KCNAB3: variants seen among roughly 807,000 people sequenced by gnomAD.
The protein encoded by KCNAB3 is voltage-gated potassium channel subunit beta-3.
A neutral mutation model predicts 67.7 loss-of-function variants in KCNAB3; 62 were observed. That is an observed-to-expected ratio of 0.92 (90% confidence interval 0.75 to 1.13). KCNAB3 has a LOEUF of 1.13. Ranked by LOEUF, KCNAB3 falls within the 50% of genes most tolerant of loss-of-function variation. The pLI is 0.00. For synonymous variants in KCNAB3, 212 were observed against 205.4 expected, an observed-to-expected ratio of 1.03 and a Z score of -0.27; for missense variants, 514 against 522.9, an observed-to-expected ratio of 0.98 and a Z score of 0.17.
intron 7 of KCNAB3, chr17:7,925,437 G>A: frequency 1.7e-6 from 1 of 600,098 alleles, no homozygotes; most frequent in Admixed American, 2.9e-5. Context: ...GCTGAGGTAG[G>A]AGAATCCCTT....
chr17:7,923,868 TCACCAC>T (rs752778287), intron 11 of KCNAB3, 37 bp from the exon 12 acceptor site: 5 of 1,555,018 alleles, frequency 3.2e-6, no homozygotes, highest in South Asian at 1.2e-5. Flanking sequence ...GACCCCGCCA[TCACCAC>T]CACCACCACC....
rs2151720463 is a variant in KCNAB3 at position 7,929,522 on chromosome 17, T to G, written c.-87A>C. ...CGAGGGCTGACGACCGGGGGCGTAG[T>G]GGGGCGAACCCCGGCAGAGCGGGAA... is the stretch of plus-strand genomic sequence containing the variant. On this transcript the variant is annotated 5_prime_UTR_variant, in exon 1 of 14. Coordinates refer to ENST00000303790, the MANE Select transcript of KCNAB3 (RefSeq NM_004732.4). This position sits in a 1 kb window ranked among gnomAD's most constrained non-coding sequence, Gnocchi z 5.7. 6.5e-7 allele frequency: 1 copy of G among 1,528,110 alleles called. No homozygotes were observed. The highest frequency in any genetic ancestry group is 8.8e-7 in the Non-Finnish European group (1 of 1,141,276). 94.7% of individuals were successfully genotyped at this position (1,528,110 alleles called of 1,614,324 possible).
rs752051222 is a variant in KCNAB3, at chr17:7,925,125, A to T, written c.597T>A (p.Asn199Lys). 6.2e-7 allele frequency: 1 copy of T among 1,613,718 alleles called. No homozygotes were observed. Among genetic ancestry groups the T allele is most frequent in the Non-Finnish European group, 8.5e-7 (1 of 1,179,774 alleles). Reference sequence around the variant, plus strand: ...CCATAGGACAGTTGGGGTCTGAGCGATTGGCAAAGACAATGTCCACGTATC... The same window carrying T: ...CCATAGGACAGTTGGGGTCTGAGCGTTTGGCAAAGACAATGTCCACGTATC... The part of the protein sequence containing the change: ...QLGYVDIVFA[N>K]RSDPNCPMEE... Residue 199 changes from asparagine to lysine, a missense_variant, in exon 8 of 14, where the codon AAT becomes AAA. Transcript: ENST00000303790.
intron 11 of KCNAB3, 24 bp from the exon 12 acceptor site, chr17:7,923,855 G>A (rs1972131841): frequency 1.3e-6 from 2 of 1,563,164 alleles, no homozygotes; most frequent in African/African-American, 1.4e-5. Context: ...AGAATCAACA[G>A]AAGACCCCGC....
chr17:7,923,766 C>A lies in KCNAB3; in HGVS notation c.993G>T (p.Met331Ile), dbSNP rs759723597. ...GCTGGTGAGCGACAGGAAGAAGGTC[C>A]ATGACTTTGGCTTGTTGCTTCTTGC... ...EDGKKQQAKVMDLLPVAHQLG... is the reference protein window; with the variant it reads ...EDGKKQQAKVIDLLPVAHQLG... The change falls in exon 12 of 14, where the codon ATG (methionine) becomes ATT (isoleucine). Residue 331 changes from methionine (M) to isoleucine (I), a missense_variant. Met to Ile is a conservative substitution (Grantham distance 10). Transcript: ENST00000303790. 6.3e-7 allele frequency: 1 copy of A among 1,579,792 alleles called. No individual in the cohort carries two copies. The highest frequency in any genetic ancestry group is 1.2e-5 in the South Asian group (1 of 86,748).
intron 1 of KCNAB3, chr17:7,928,261 A>G (rs1387497113): frequency 4.5e-6 from 1 of 221,138 alleles, no homozygotes; most frequent in African/African-American, 2.3e-5. Context: ...TGGAAGAGGT[A>G]AACCAAGTCA....
At position 7,923,000 on chromosome 17, in the gene KCNAB3, C is replaced by G. The variant is rs765589257; in HGVS notation, c.*102G>C. Reference sequence around the variant, plus strand: ...TTGGTGGGCGGGGCTAGTCTGGCTCCGGCCGCTGCGTGGAGGGATCCGGAG... The same window carrying G: ...TTGGTGGGCGGGGCTAGTCTGGCTCGGGCCGCTGCGTGGAGGGATCCGGAG... On this transcript the variant is annotated 3_prime_UTR_variant, in exon 14 of 14. Transcript: ENST00000303790. The G allele has an allele frequency of 5.7e-4, 643 of 1,129,900 alleles. 1 individual carries two copies. The highest frequency in any genetic ancestry group is 8.1e-4 in the Non-Finnish European group (606 of 746,286). 70.0% of individuals were successfully genotyped at this position (1,129,900 alleles called of 1,614,324 possible).
chr17:7,929,535 G>A lies in KCNAB3; in HGVS notation c.-100C>T, dbSNP rs1972357747. On this transcript the variant is annotated 5_prime_UTR_variant, in exon 1 of 14. Coordinates refer to ENST00000303790, the MANE Select transcript of KCNAB3 (RefSeq NM_004732.4). This position sits in a 1 kb window ranked among gnomAD's most constrained non-coding sequence, Gnocchi z 5.7. ...CCGGGGGCGTAGTGGGGCGAACCCC[G>A]GCAGAGCGGGAAGGCTGAGGAGGCT... The A allele has an allele frequency of 6.6e-7, 1 of 1,519,866 alleles. No homozygotes were observed. The highest frequency in any genetic ancestry group is 1.4e-5 in the African/African-American group (1 of 72,518). 94.1% of individuals were successfully genotyped at this position (1,519,866 alleles called of 1,614,324 possible).
In KCNAB3 at chr17:7,929,831, A is replaced by T; in HGVS notation, c.-396T>A. On this transcript the variant is annotated 5_prime_UTR_variant, in exon 1 of 14. Coordinates refer to ENST00000303790, the MANE Select transcript of KCNAB3 (RefSeq NM_004732.4). This position sits in a 1 kb window ranked among gnomAD's most constrained non-coding sequence, Gnocchi z 5.7. ...CCGCTGCGGGACCCGCTGGGCTCCC[A>T]GCCGCGTCGGCAGCGGGCCCAGCTC... The T allele has an allele frequency of 1.9e-6, 2 of 1,029,208 alleles. No individual in the cohort carries two copies. The highest frequency in any genetic ancestry group is 2.3e-6 in the Non-Finnish European group (2 of 857,596). 63.8% of individuals were successfully genotyped at this position (1,029,208 alleles called of 1,614,324 possible).
chr17:7,929,785 G>A lies in KCNAB3; in HGVS notation c.-350C>T, dbSNP rs941561371. Reference sequence around the variant, plus strand: ...ACCCAGGGGGAAGCGGGGCGGGAGAGAGATGCCACTTCAGCGCGAACCGCT... The same window carrying A: ...ACCCAGGGGGAAGCGGGGCGGGAGAAAGATGCCACTTCAGCGCGAACCGCT... On this transcript the variant is annotated 5_prime_UTR_variant, in exon 1 of 14. Coordinates refer to ENST00000303790, the MANE Select transcript of KCNAB3 (RefSeq NM_004732.4). This position sits in a 1 kb window ranked among gnomAD's most constrained non-coding sequence, Gnocchi z 5.7. 40 of 1,143,240 alleles carry A rather than the reference G, an allele frequency of 3.5e-5. No individual in the cohort carries two copies. The South Asian group carries it at 6.9e-4, about 20-fold the overall frequency. 70.8% of individuals were successfully genotyped at this position (1,143,240 alleles called of 1,614,324 possible). A position where few individuals can be genotyped will look rare whatever the true frequency, so the allele number is the denominator to read the frequency against.
chr17:7,929,773 C>T lies in KCNAB3; in HGVS notation c.-338G>A, dbSNP rs955392644. The T allele has an allele frequency of 1.6e-4, 179 of 1,150,132 alleles. No homozygotes were observed. Among genetic ancestry groups the T allele is most frequent in the Non-Finnish European group, 1.8e-4 (167 of 929,724 alleles). 71.2% of individuals were successfully genotyped at this position (1,150,132 alleles called of 1,614,324 possible). A position where few individuals can be genotyped will look rare whatever the true frequency, so the allele number is the denominator to read the frequency against. ...CGGAGGATAAGGACCCAGGGGGAAGCGGGGCGGGAGAGAGATGCCACTTCA... is the reference window on the plus strand; with the variant it reads ...CGGAGGATAAGGACCCAGGGGGAAGTGGGGCGGGAGAGAGATGCCACTTCA... On this transcript the variant is annotated 5_prime_UTR_variant, in exon 1 of 14. Coordinates refer to ENST00000303790, the MANE Select transcript of KCNAB3 (RefSeq NM_004732.4). The surrounding 1 kb of genome is among the most constrained non-coding windows in gnomAD (Gnocchi z 5.7).
chr17:7,925,348 T>A (rs1972189112), intron 7 of KCNAB3, 165 bp from the exon 8 acceptor site: 2 of 590,880 alleles, frequency 3.4e-6, no homozygotes, highest in Admixed American at 5.8e-5. Context: ...GCTAACGTGG[T>A]GAAACCCCAT....
At chr17:7,925,599 A>G in intron 7 of KCNAB3, 84 bp downstream of exon 7, 1 of 1,417,026 alleles carries the variant, frequency 7.1e-7, no homozygotes, top group Admixed American at 1.7e-5. Flanking sequence ...TCCCTATTCA[A>G]AGCCTCCAGA....
Position 7,923,123 on chromosome 17 carries a change from GT to G in KCNAB3, c.1193del (p.Asn398ThrfsTer75), listed in dbSNP as rs1972096925. The G allele has an allele frequency of 5.6e-6, 9 of 1,614,178 alleles. No homozygotes were observed. Among genetic ancestry groups the G allele is most frequent in the Non-Finnish European group, 7.6e-6 (9 of 1,180,018 alleles). ...TVMEIDGLLG[N>X]KPHSKK ...CAGACTACTTCTTGGAATGCGGCTT[GT>G]TTCCCAGGAGCCCGTCTATTTCCAT... On this transcript the variant is annotated frameshift_variant, in exon 14 of 14. Transcript: ENST00000303790. LOFTEE classifies it high-confidence loss of function.
chr17:7,929,019 A>G lies in KCNAB3; in HGVS notation c.242+175T>C, dbSNP rs748958855. ...AAACTTGATTCTCGTAGTCAGGGGTATCGACAGAAACCAAGAGAGGGACAA... is the reference window on the plus strand; with the variant it reads ...AAACTTGATTCTCGTAGTCAGGGGTGTCGACAGAAACCAAGAGAGGGACAA... On this transcript the variant is annotated intron_variant, in intron 1 of 13. Transcript: ENST00000303790. The surrounding 1 kb of genome is among the most constrained non-coding windows in gnomAD (Gnocchi z 5.7). 1 of 1,008,220 alleles carries G rather than the reference A, an allele frequency of 9.9e-7. No individual in the cohort carries two copies. Among genetic ancestry groups the G allele is most frequent in the Non-Finnish European group, 1.4e-6 (1 of 702,756 alleles). 62.5% of individuals were successfully genotyped at this position (1,008,220 alleles called of 1,614,324 possible).
At position 7,923,445 on chromosome 17, in the gene KCNAB3, C is replaced by T. The variant is rs772078061; in HGVS notation, c.1137+11G>A. On this transcript the variant is annotated intron_variant, in intron 13 of 13. Transcript: ENST00000303790. ...GGACAGATAGGCTCTGCCTCTGAGTCCCCGGCTCACCTGTAGCGCGCCCAG... is the reference window on the plus strand; with the variant it reads ...GGACAGATAGGCTCTGCCTCTGAGTTCCCGGCTCACCTGTAGCGCGCCCAG... 8 of 1,603,706 alleles carry T rather than the reference C, an allele frequency of 5.0e-6. No individual in the cohort carries two copies. Among genetic ancestry groups the T allele is most frequent in the South Asian group, 1.1e-5 (1 of 89,264 alleles).
Position 7,923,032 on chromosome 17 carries a change from A to C in KCNAB3, c.*70T>G. The C allele has an allele frequency of 7.0e-7, 1 of 1,432,872 alleles. No homozygotes were observed. Among genetic ancestry groups the C allele is most frequent in the Non-Finnish European group, 9.8e-7 (1 of 1,016,796 alleles). 88.8% of individuals were successfully genotyped at this position (1,432,872 alleles called of 1,614,324 possible). A position where few individuals can be genotyped will look rare whatever the true frequency, so the allele number is the denominator to read the frequency against. ...TGCGTGGAGGGATCCGGAGCGGGAG[A>C]GGCGGCTGCGAGGAGCGGGGCTCGG... On this transcript the variant is annotated 3_prime_UTR_variant, in exon 14 of 14. Coordinates refer to ENST00000303790, the MANE Select transcript of KCNAB3 (RefSeq NM_004732.4).
Position 7,923,700 on chromosome 17 carries a change from C to A in KCNAB3, c.1048+11G>T. ...GAGGAGACAGGGCCCCTGCAGGGTGCAATGTCTCACCAATAGCAAGCTGGG... is the reference window on the plus strand; with the variant it reads ...GAGGAGACAGGGCCCCTGCAGGGTGAAATGTCTCACCAATAGCAAGCTGGG... On this transcript the variant is annotated intron_variant, in intron 12 of 13. Coordinates refer to ENST00000303790, the MANE Select transcript of KCNAB3 (RefSeq NM_004732.4). 1.3e-6 allele frequency: 2 copies of A among 1,556,654 alleles called. No individual in the cohort carries two copies. Among genetic ancestry groups the A allele is most frequent in the Non-Finnish European group, 1.7e-6 (2 of 1,149,806 alleles).
At position 7,922,822 on chromosome 17, in the gene KCNAB3, GCAGA is replaced by G; in HGVS notation, c.*276_*279del. ...GGAGAGTAGGGAGCGAGACGAAGTG[GCAGA>G]GAGCCGACGGCGAGTAGCTCATGCC... On this transcript the variant is annotated 3_prime_UTR_variant, in exon 14 of 14. Transcript: ENST00000303790. 1 of 525,392 alleles carries G rather than the reference GCAGA, an allele frequency of 1.9e-6. No individual in the cohort carries two copies. Among genetic ancestry groups the G allele is most frequent in the Non-Finnish European group, 3.5e-6 (1 of 289,192 alleles). 32.5% of individuals were successfully genotyped at this position (525,392 alleles called of 1,614,324 possible). A position where few individuals can be genotyped will look rare whatever the true frequency, so the allele number is the denominator to read the frequency against.
Sources: allele counts gnomAD v4.1 joint callset, GRCh38; gene constraint gnomAD v4.1.1; non-coding constraint Gnocchi (gnomAD v3.1); transcripts MANE v1.5; gene names NCBI Gene and HGNC (gene_info 2026-07-23, HGNC 2026-07-21).